KCNN2: variants seen among roughly 807,000 people sequenced by gnomAD.
KCNN2 encodes the protein small conductance calcium-activated potassium channel protein 2.
A neutral mutation model predicts 55.5 loss-of-function variants in KCNN2; 24 were observed. The observed-to-expected ratio is 0.43, with a 90% CI of 0.31 to 0.61. The LOEUF (loss-of-function observed/expected upper bound fraction) is 0.61, where lower values mean the gene tolerates loss of function less well. KCNN2 is among the 20% of genes least tolerant of loss of function. The pLI, the probability that KCNN2 is intolerant of heterozygous loss-of-function variation, is 0.08. For missense variants in KCNN2, 754 were observed against 853.6 expected (o/e 0.88, Z 1.45); for synonymous variants, 431 against 336.1 (o/e 1.28, Z -3.09).
chr5:114,460,248 G>C (rs1333606966), intron 3 of KCNN2, among the ~76,000 whole-genome samples: 1 of 152,034 alleles, frequency 6.6e-6, no homozygotes, highest in African/African-American at 2.4e-5. Context: ...TTGTTTGTTT[G>C]TTGTTTTTTG....
chr5:114,330,024 C>T (rs1554081792), intron 2 of KCNN2, among the ~76,000 whole-genome samples: 1 of 118,868 alleles, frequency 8.4e-6, no homozygotes, highest in Admixed American at 8.8e-5. Flanking sequence ...CCCTCTCTCT[C>T]CCCTTTGAGC....
chr5:114,392,660 A>G (rs190295093), intron 2 of KCNN2, among the ~76,000 whole-genome samples: 16 of 152,230 alleles, frequency 1.1e-4, no homozygotes, highest in Admixed American at 5.9e-4. Context: ...GAGACCATTG[A>G]AAAGTCATCT....
In KCNN2 at chr5:114,362,619, C is replaced by T; in HGVS notation, c.480C>T (p.Cys160=). The T allele has an allele frequency of 9.8e-7, 1 of 1,023,578 alleles. No homozygotes were observed. The highest frequency in any genetic ancestry group is 1.4e-6 in the Non-Finnish European group (1 of 729,878). 63.4% of individuals were successfully genotyped at this position (1,023,578 alleles called of 1,614,324 possible). A position where few individuals can be genotyped will look rare whatever the true frequency, so the allele number is the denominator to read the frequency against. The change falls in exon 1 of 8, where the codon TGC becomes TGT. Residue 160 remains cysteine (C), a synonymous_variant. Transcript: ENST00000673685. The stretch of plus-strand genomic sequence containing the variant: ...CGTCCGCCTCCCAGTACCACCAGTG[C>T]CACAGCCTGCAGCCCGCCGCCAGCC... The part of the protein sequence containing the change: ...QSASASQYHQ[C]HSLQPAASPT...
chr5:114,333,865 G>A (rs868105276), intron 2 of KCNN2, among the ~76,000 whole-genome samples: 5 of 152,012 alleles, frequency 3.3e-5, no homozygotes, highest in Non-Finnish European at 7.4e-5. Context: ...TTGTCTACTC[G>A]TAGCTGTCAA....
chr5:114,273,630 G>T (rs552506393), intron 2 of KCNN2, among the ~76,000 whole-genome samples: 2 of 152,258 alleles, frequency 1.3e-5, no homozygotes, highest in Admixed American at 6.5e-5. Context: ...TTTCATGTCT[G>T]TTGGCTGCAC....
intron 2 of KCNN2, among the ~76,000 whole-genome samples, chr5:114,278,723 G>A (rs1385694880): frequency 6.6e-6 from 1 of 152,202 alleles, no homozygotes; most frequent in African/African-American, 2.4e-5. Flanking sequence ...AGACCATGGG[G>A]AAAGTGCAGT....
intron 2 of KCNN2, among the ~76,000 whole-genome samples, chr5:114,222,092 A>C (rs1754151205): frequency 6.6e-6 from 1 of 152,234 alleles, no homozygotes; most frequent in South Asian, 2.1e-4. Flanking sequence ...CTCATTGTCT[A>C]GTTGCCAGAT....
chr5:114,324,648 T>G (rs571012317), intron 2 of KCNN2, among the ~76,000 whole-genome samples: 2 of 152,354 alleles, frequency 1.3e-5, no homozygotes, highest in East Asian at 3.9e-4. Flanking sequence ...AACGTTGTTT[T>G]AAGCCACTAA....
At chr5:114,151,500 G>C (rs1472887969) in intron 1 of KCNN2, among the ~76,000 whole-genome samples, 1 of 151,772 alleles carries the variant, frequency 6.6e-6, no homozygotes, top group Non-Finnish European at 1.5e-5. Flanking sequence ...TTCTTTCCAT[G>C]GCAATTTCAG....
At chr5:114,229,557 A>T (rs1214203307) in intron 2 of KCNN2, among the ~76,000 whole-genome samples, 1 of 152,018 alleles carries the variant, frequency 6.6e-6, no homozygotes, top group African/African-American at 2.4e-5. Flanking sequence ...AGGACATATC[A>T]GAGTACCAGG....
intron 3 of KCNN2, among the ~76,000 whole-genome samples, chr5:114,445,403 G>A (rs1278296361): frequency 6.6e-6 from 1 of 152,180 alleles, no homozygotes; most frequent in Non-Finnish European, 1.5e-5. Flanking sequence ...TTGCATCCAT[G>A]AGACACTTTA....
intron 2 of KCNN2, among the ~76,000 whole-genome samples, chr5:114,294,802 C>T (rs1364894676): frequency 6.6e-6 from 1 of 152,104 alleles, no homozygotes; most frequent in African/African-American, 2.4e-5. Flanking sequence ...GTGTTAAAGT[C>T]TCCCATTATT....
chr5:114,428,649 A>G (rs1759697868), intron 3 of KCNN2, among the ~76,000 whole-genome samples: 1 of 152,128 alleles, frequency 6.6e-6, no homozygotes, highest in African/African-American at 2.4e-5. Flanking sequence ...TAATTTCTCA[A>G]GAAATAATCT....
rs78346438 is a variant in KCNN2 at position 114,425,303 on chromosome 5, T to C, written c.1637+20447T>C. 3.0e-3 allele frequency among the ~76,000 whole-genome samples: 460 copies of C among 152,328 alleles called. 4 individuals carry two copies. The highest frequency in any genetic ancestry group is 0.011 in the African/African-American group (440 of 41,572). ...AATTCAGCTAGGAGCTAATATATCA[T>C]GCATGTCTGAAGGGTCCCACATTGC... On this transcript the variant is annotated intron_variant, in intron 3 of 7. Coordinates refer to ENST00000673685, the MANE Select transcript of KCNN2 (RefSeq NM_021614.4).
At chr5:114,407,477 A>G (rs532887618) in intron 3 of KCNN2, among the ~76,000 whole-genome samples, 1 of 151,576 alleles carries the variant, frequency 6.6e-6, no homozygotes, top group Non-Finnish European at 1.5e-5. Context: ...TTCTCTGGAG[A>G]TGTTAATTAT....
intron 2 of KCNN2, among the ~76,000 whole-genome samples, chr5:114,224,730 C>G (rs1336315033): frequency 1.3e-5 from 2 of 152,150 alleles, no homozygotes; most frequent in African/African-American, 4.8e-5. Context: ...ACCAGTCAGC[C>G]TCCCCTTTCT....
intron 2 of KCNN2, among the ~76,000 whole-genome samples, chr5:114,255,066 C>T (rs1754954882): frequency 6.6e-6 from 1 of 152,068 alleles, no homozygotes; most frequent in South Asian, 2.1e-4. Flanking sequence ...TCTGTAAAGG[C>T]ATAGGTATTT....
At chr5:114,411,254 G>A (rs752630409) in intron 3 of KCNN2, among the ~76,000 whole-genome samples, 3 of 151,898 alleles carry the variant, frequency 2.0e-5, no homozygotes, top group Admixed American at 6.6e-5. Context: ...TTTTGTTTTC[G>A]TTTTTAATTT....
rs561015884 is a variant in KCNN2, at chr5:114,396,204, A to G, written c.1219-8234A>G. Among the ~76,000 whole-genome samples the G allele has an allele frequency of 6.2e-4, 94 of 152,260 alleles. 2 individuals are homozygous for G. The South Asian group carries it at 9.3e-3, about 15-fold the overall frequency. On this transcript the variant is annotated intron_variant, in intron 2 of 7. Coordinates refer to ENST00000673685, the MANE Select transcript of KCNN2 (RefSeq NM_021614.4). ...ATCCAGCCCATCAGCAAGTTCTGAC[A>G]AGATTTCTACTTTTGTTGTTGCTGT...
Sources: allele counts gnomAD v4.1 joint callset (sites outside exome capture counted in the v4.1 genomes callset), GRCh38; gene constraint gnomAD v4.1.1; transcripts MANE v1.5; gene names NCBI Gene and HGNC (gene_info 2026-07-23, HGNC 2026-07-21).